The following TMTC4 variants were observed in gnomAD, a reference collection of about 807,000 sequenced individuals.
The protein encoded by TMTC4 is transmembrane O-mannosyltransferase targeting cadherins 4.
Under a neutral mutation model 86.0 loss-of-function variants are expected in TMTC4, and 65 were observed. That is an observed-to-expected ratio of 0.76 (90% CI 0.62 to 0.93). The LOEUF (loss-of-function observed/expected upper bound fraction) is 0.93. Among genes scored for constraint, TMTC4 ranks in the 40% least tolerant of loss-of-function variants. The pLI is 0.00. For missense variants in TMTC4, 866 were observed against 948.1 expected (o/e 0.91, Z 1.14); for synonymous variants, 379 against 382.5 (o/e 0.99, Z 0.11).
chr13:100,674,617 C>G (rs1219052121), intron 1 of TMTC4, 127 bp downstream of exon 1: 1 of 982,726 alleles, frequency 1.0e-6, no homozygotes, highest in East Asian at 1.2e-4. Context: ...CCAGCAGCGC[C>G]GCTCTGGCCC....
In TMTC4 at chr13:100,612,685, ACAC is replaced by A. The variant is rs1877818063; in HGVS notation, c.1952-178_1952-176del. ...CACACACACACACACACACACACAC[ACAC>A]ACACACGACGTTATCAGTGGCAAAG... On this transcript the variant is annotated intron_variant, in intron 16 of 18. Transcript: ENST00000342624. Among the ~76,000 whole-genome samples, 2 of 143,252 alleles carry A rather than the reference ACAC, an allele frequency of 1.4e-5. 1 individual carries two copies. Among genetic ancestry groups the A allele is most frequent in the Admixed American group, 1.4e-4 (2 of 14,364 alleles). The allele number at this position is 143,252 out of a possible 152,430, so 94.0% of individuals were successfully genotyped here.
At chr13:100,652,372 G>C (rs1211378085) in intron 6 of TMTC4, among the ~76,000 whole-genome samples, 1 of 147,704 alleles carries the variant, frequency 6.8e-6, no homozygotes, top group Non-Finnish European at 1.5e-5. Flanking sequence ...CCAGCTACTT[G>C]GGAGGCTGAG....
intron 15 of TMTC4, among the ~76,000 whole-genome samples, chr13:100,617,282 A>T (rs1371787370): frequency 6.6e-6 from 1 of 152,174 alleles, no homozygotes. Context: ...CTACAGGCAC[A>T]TACCACGATG....
intron 5 of TMTC4, among the ~76,000 whole-genome samples, chr13:100,658,989 C>T (rs1242826028): frequency 6.6e-6 from 1 of 152,132 alleles, no homozygotes; most frequent in African/African-American, 2.4e-5. Flanking sequence ...TTTTCTTTTC[C>T]TTTTCTGATA....
At chr13:100,636,824 A>G in intron 9 of TMTC4, 90 bp from the exon 10 acceptor site, 3 of 1,331,698 alleles carry the variant, frequency 2.3e-6, no homozygotes, top group Non-Finnish European at 3.2e-6. Flanking sequence ...AGGCACTCAT[A>G]TGCTTCTGCT....
intron 7 of TMTC4, among the ~76,000 whole-genome samples, chr13:100,638,997 T>C (rs1022111777): frequency 3.3e-5 from 5 of 152,238 alleles, no homozygotes; most frequent in Non-Finnish European, 7.3e-5. Flanking sequence ...AGATGGGCCC[T>C]GGATTCTATT....
chr13:100,640,591 G>T (rs529421100), intron 7 of TMTC4, among the ~76,000 whole-genome samples: 1 of 152,164 alleles, frequency 6.6e-6, no homozygotes, highest in South Asian at 2.1e-4. Context: ...GACGGCTCAT[G>T]CCTGTAACCC....
chr13:100,649,412 C>T (rs746947123), intron 6 of TMTC4, among the ~76,000 whole-genome samples: 13 of 152,110 alleles, frequency 8.5e-5, no homozygotes, highest in Non-Finnish European at 1.3e-4. Flanking sequence ...AGACTCTGTG[C>T]TTTTGTGGCT....
chr13:100,611,266 G>A (rs544516081), intron 17 of TMTC4, among the ~76,000 whole-genome samples: 3 of 152,314 alleles, frequency 2.0e-5, no homozygotes, highest in African/African-American at 7.2e-5. Flanking sequence ...TGATATCTGT[G>A]TTTAACACCC....
chr13:100,667,566 G>A (rs767155531), intron 3 of TMTC4, among the ~76,000 whole-genome samples: 1 of 152,102 alleles, frequency 6.6e-6, no homozygotes, highest in Non-Finnish European at 1.5e-5. Flanking sequence ...TACAATACAT[G>A]CTTGTCATAT....
chr13:100,660,587 A>ACCTCC (rs1885650030), intron 5 of TMTC4, among the ~76,000 whole-genome samples: 2 of 151,722 alleles, frequency 1.3e-5, no homozygotes. Flanking sequence ...GTGTTGGTCA[A>ACCTCC]CACCTGGGAG....
intron 5 of TMTC4, 73 bp from the exon 6 acceptor site, chr13:100,656,541 A>AATTTTTTTTTTTT: frequency 1.3e-5 from 6 of 462,922 alleles, no homozygotes; most frequent in Middle Eastern, 4.0e-4. Flanking sequence ...AGGAGACATA[A>AATTTTTTTTTTTT]CTTTTTTTTT....
rs770302202 is a variant in TMTC4 at position 100,626,138 on chromosome 13, T to A, written c.1519A>T (p.Ile507Phe). ...CPLNAKVHYN[I>F]GKNLADKGNQ... ...CCTTTATCAGCCAGGTTTTTGCCAA[T>A]GTTGTAGTGAACCTGCAGACAGAGA... The change falls in exon 13 of 19, where the codon ATT (isoleucine) becomes TTT (phenylalanine). Residue 507 changes from isoleucine (I) to phenylalanine (F), a missense_variant. Ile to Phe is a conservative substitution (Grantham distance 21). Coordinates refer to ENST00000342624, the MANE Select transcript of TMTC4 (RefSeq NM_032813.5). The A allele has an allele frequency of 1.2e-6, 2 of 1,614,078 alleles. No homozygotes were observed. Among genetic ancestry groups the A allele is most frequent in the South Asian group, 1.1e-5 (1 of 91,092 alleles).
rs776651790 is a variant in TMTC4 at position 100,604,081 on chromosome 13, G to A, written c.*913C>T. Reference sequence around the variant, plus strand: ...ACAACTCAATTCTTAAAAATACCACGAATTCCCCGAATGTGGCTCCATTTG... The same window carrying A: ...ACAACTCAATTCTTAAAAATACCACAAATTCCCCGAATGTGGCTCCATTTG... On this transcript the variant is annotated 3_prime_UTR_variant, in exon 19 of 19. Transcript: ENST00000342624. 4 of 152,662 alleles carry A rather than the reference G, an allele frequency of 2.6e-5. No individual in the cohort carries two copies. The highest frequency in any genetic ancestry group is 1.9e-4 in the East Asian group (1 of 5,184). The allele number at this position is 152,662 out of a possible 1,614,324, so 9.5% of individuals were successfully genotyped here.
intron 17 of TMTC4, among the ~76,000 whole-genome samples, chr13:100,609,916 T>C (rs1004447921): frequency 1.3e-5 from 2 of 152,122 alleles, no homozygotes; most frequent in African/African-American, 4.8e-5. Context: ...CACGCAGATA[T>C]AACGAGAACA....
chr13:100,670,470 G>A lies in TMTC4; in HGVS notation c.-108C>T. Reference sequence around the variant, plus strand: ...CACTGCTTGTCTCTCGAGCCTCACAGCCTGGCATACGGCATGCTCTCAGCA... The same window carrying A: ...CACTGCTTGTCTCTCGAGCCTCACAACCTGGCATACGGCATGCTCTCAGCA... On this transcript the variant is annotated 5_prime_UTR_variant, in exon 2 of 19. Transcript: ENST00000342624. 1 of 1,224,710 alleles carries A rather than the reference G, an allele frequency of 8.2e-7. No homozygotes were observed. The allele number at this position is 1,224,710 out of a possible 1,614,324, so 75.9% of individuals were successfully genotyped here. A position where few individuals can be genotyped will look rare whatever the true frequency, so the allele number is the denominator to read the frequency against.
At chr13:100,608,015 A>C (rs556665569) in intron 17 of TMTC4, among the ~76,000 whole-genome samples, 105 of 152,292 alleles carry the variant, frequency 6.9e-4, no homozygotes, top group African/African-American at 2.2e-3. Flanking sequence ...TGATTTTCAA[A>C]CATTTCCATT....
intron 3 of TMTC4, 58 bp from the exon 4 acceptor site, chr13:100,664,394 G>T: frequency 7.7e-7 from 1 of 1,295,582 alleles, no homozygotes; most frequent in Non-Finnish European, 1.1e-6. Flanking sequence ...CCTAAGCCAA[G>T]CTCCTCCATC....
chr13:100,674,340 C>A (rs1887550219), intron 1 of TMTC4: 2 of 978,448 alleles, frequency 2.0e-6, no homozygotes, highest in African/African-American at 1.8e-5. Context: ...GGCGGCCAGG[C>A]GCGGGGCCCC....
Sources: allele counts gnomAD v4.1 joint callset (sites outside exome capture counted in the v4.1 genomes callset), GRCh38; gene constraint gnomAD v4.1.1; transcripts MANE v1.5; gene names NCBI Gene and HGNC (gene_info 2026-07-23, HGNC 2026-07-21).